The following DRC4 variants were observed in gnomAD, a reference collection of about 807,000 sequenced individuals.
DRC4 encodes dynein regulatory complex subunit 4.
chr16:90,042,648 A>AG, the DRC4 span: 5 of 842,650 alleles, frequency 5.9e-6, no homozygotes, highest in Middle Eastern at 3.4e-4. Context: ...TCGTTTGACA[A>AG]GGCAGCTGTC....
chr16:90,024,945 G>A, the DRC4 span, among the ~76,000 whole-genome samples: 11 of 152,128 alleles, frequency 7.2e-5, no homozygotes, highest in Admixed American at 2.6e-4. Flanking sequence ...TTGGACCAAG[G>A]AATATGGGTG....
the DRC4 span, chr16:90,031,508 C>T: frequency 6.3e-5 from 98 of 1,548,002 alleles, no homozygotes; most frequent in East Asian, 9.8e-5. Context: ...TGAGTGGGGC[C>T]GGCCTGCACG....
At chr16:90,027,849 G>C in the DRC4 span, 97 of 821,372 alleles carry the variant, frequency 1.2e-4, no homozygotes, top group East Asian at 2.4e-3. Flanking sequence ...CACGCCCCCC[G>C]CGTGGCCCAT....
the DRC4 span, chr16:90,020,137 C>T: frequency 1.8e-6 from 1 of 559,878 alleles, no homozygotes. Flanking sequence ...AAATTATATA[C>T]ACATTAGATC....
At chr16:90,038,045 G>A in the DRC4 span, among the ~76,000 whole-genome samples, 26 of 152,366 alleles carry the variant, frequency 1.7e-4, no homozygotes, top group South Asian at 4.1e-3. Flanking sequence ...TGAAGCTGGA[G>A]GCCCTGTTCC....
the DRC4 span, chr16:90,043,131 C>T: frequency 6.6e-7 from 1 of 1,522,596 alleles, no homozygotes; most frequent in Non-Finnish European, 8.9e-7. Flanking sequence ...CATGGAGCTG[C>T]ACTCAGCTCT....
At chr16:90,023,378 T>G in the DRC4 span, among the ~76,000 whole-genome samples, 1 of 152,124 alleles carries the variant, frequency 6.6e-6, no homozygotes, top group South Asian at 2.1e-4. Flanking sequence ...ATGTCTGTCT[T>G]TCTCTTGTAA....
chr16:90,023,732 G>A, the DRC4 span, among the ~76,000 whole-genome samples: 1 of 151,056 alleles, frequency 6.6e-6, no homozygotes, highest in Non-Finnish European at 1.5e-5. Context: ...GGTGGCTCAC[G>A]CCTGTAATCC....
the DRC4 span, among the ~76,000 whole-genome samples, chr16:90,023,262 A>G: frequency 5.6e-4 from 85 of 152,326 alleles, no homozygotes; most frequent in African/African-American, 1.9e-3. Flanking sequence ...TGGAGTGCCC[A>G]GGGCACAACC....
the DRC4 span, chr16:90,020,076 C>G: frequency 1.5e-6 from 1 of 666,208 alleles, no homozygotes; most frequent in South Asian, 1.6e-5. Context: ...GCCTGGGCCA[C>G]TGCTTCTCTG....
the DRC4 span, chr16:90,022,875 C>A: frequency 3.5e-5 from 27 of 778,222 alleles, no homozygotes; most frequent in Non-Finnish European, 4.5e-5. Flanking sequence ...TGGGGGTCTC[C>A]GTGGGGCAAA....
At chr16:90,031,131 G>C in the DRC4 span, 1 of 1,459,244 alleles carries the variant, frequency 6.9e-7, no homozygotes, top group Non-Finnish European at 9.1e-7. Flanking sequence ...AATGCATTCT[G>C]TCTCCGGAGC....
At chr16:90,032,747 A>G in the DRC4 span, 9 of 1,613,938 alleles carry the variant, frequency 5.6e-6, no homozygotes, top group Admixed American at 1.7e-5. Context: ...AGCACCTGCT[A>G]TATGAGCACC....
At chr16:90,043,872 G>A in the DRC4 span, 18 of 462,522 alleles carry the variant, frequency 3.9e-5, no homozygotes, top group Non-Finnish European at 7.2e-5. Flanking sequence ...TGCAGCCAGC[G>A]TGCGGGAACG....
At chr16:90,042,676 G>A in the DRC4 span, 1 of 694,922 alleles carries the variant, frequency 1.4e-6, no homozygotes, top group Non-Finnish European at 2.5e-6. Flanking sequence ...CCACGTGAGG[G>A]TGCAGTCATA....
chr16:90,022,770 G>T, the DRC4 span: 1 of 1,334,806 alleles, frequency 7.5e-7, no homozygotes, highest in Admixed American at 3.4e-5. Context: ...CAGGGGCCCG[G>T]AGACCTCGGG....
chr16:90,025,673 A>T, the DRC4 span, among the ~76,000 whole-genome samples: 1 of 129,862 alleles, frequency 7.7e-6, no homozygotes, highest in Admixed American at 7.8e-5. Flanking sequence ...AAAAAAAAAA[A>T]GAGAGTTCAA....
the DRC4 span, among the ~76,000 whole-genome samples, chr16:90,025,444 T>A: frequency 6.7e-6 from 1 of 150,096 alleles, no homozygotes; most frequent in African/African-American, 2.4e-5. Flanking sequence ...GGGTCAGGAG[T>A]TCGAGTACAG....
chr16:90,027,610 C>G, the DRC4 span: 1 of 1,610,852 alleles, frequency 6.2e-7, no homozygotes, highest in Non-Finnish European at 8.5e-7. Flanking sequence ...GTTAGAGTCT[C>G]TCTTACCCCA....
Sources: gnomAD v4.1 joint callset for allele counts (sites outside exome capture counted in the v4.1 genomes callset) on GRCh38, gnomAD v4.1.1 for gene constraint, MANE v1.5 for transcripts, NCBI Gene and HGNC (gene_info 2026-07-23, HGNC 2026-07-21) for gene names.